IL16: variants seen among roughly 807,000 people sequenced by gnomAD.
IL16 encodes the protein pro-interleukin-16.
A neutral mutation model predicts 110.1 loss-of-function variants in IL16; 67 were observed. The observed-to-expected ratio is 0.61, with a 90% CI of 0.50 to 0.75. IL16 has a LOEUF of 0.75. IL16 is among the 30% of genes least tolerant of loss of function. IL16 has a pLI of 0.00. For synonymous variants in IL16, 689 were observed against 662.9 expected (o/e 1.04, Z -0.61); for missense variants, 1,545 against 1,655.0 (o/e 0.93, Z 1.15).
Position 81,292,995 on chromosome 15 carries a change from C to T in IL16, c.1860C>T (p.Asn620=), listed in dbSNP as rs759878919. 6.2e-7 allele frequency: 1 copy of T among 1,612,428 alleles called. No individual in the cohort carries two copies. The highest frequency in any genetic ancestry group is 8.5e-7 in the Non-Finnish European group (1 of 1,179,966). ...AGAAGAGTCTGGAAGAGAGAGAGAACTCCTCATGCTCTTCTGGGCACACCC... is the reference window on the plus strand; with the variant it reads ...AGAAGAGTCTGGAAGAGAGAGAGAATTCCTCATGCTCTTCTGGGCACACCC... ...DPQKSLEERE[N]SSCSSGHTPP... Residue 620 remains asparagine (N), a synonymous_variant, in exon 12 of 19, where the codon AAC becomes AAT. Coordinates refer to ENST00000683961, the MANE Select transcript of IL16 (RefSeq NM_172217.5).
chr15:81,279,392 T>C (rs1455799991), intron 7 of IL16, among the ~76,000 whole-genome samples, 166 bp from the exon 8 acceptor site: 1 of 152,252 alleles, frequency 6.6e-6, no homozygotes, highest in Non-Finnish European at 1.5e-5. Context: ...TAGTTGTGTG[T>C]ATATATACAA....
At chr15:81,229,996 T>A (rs1595971435) in intron 2 of IL16, among the ~76,000 whole-genome samples, 2 of 152,102 alleles carry the variant, frequency 1.3e-5, no homozygotes, top group African/African-American at 4.8e-5. Flanking sequence ...ATTGGATGGG[T>A]TGTGTTTGGC....
intron 4 of IL16, among the ~76,000 whole-genome samples, chr15:81,267,868 C>G (rs1898460924): frequency 6.6e-6 from 1 of 152,194 alleles, no homozygotes; most frequent in African/African-American, 2.4e-5. Flanking sequence ...TGCATCAGGG[C>G]AGGTGATGTG....
chr15:81,251,382 T>G (rs539903040), intron 2 of IL16, among the ~76,000 whole-genome samples: 1 of 152,286 alleles, frequency 6.6e-6, no homozygotes, highest in Admixed American at 6.5e-5. Flanking sequence ...CCCAGACTGG[T>G]CTTGAACTCC....
At chr15:81,198,360 C>A (rs188789958) in intron 1 of IL16, among the ~76,000 whole-genome samples, 1 of 152,072 alleles carries the variant, frequency 6.6e-6, no homozygotes, top group Non-Finnish European at 1.5e-5. Flanking sequence ...CTCAGCTAGA[C>A]GTTCCCAGGA....
chr15:81,269,803 C>A (rs1399898856), intron 5 of IL16, among the ~76,000 whole-genome samples, 155 bp downstream of exon 5: 2 of 152,206 alleles, frequency 1.3e-5, no homozygotes, highest in Non-Finnish European at 2.9e-5. Flanking sequence ...AAACTCACAC[C>A]TGGCTGAGTC....
intron 1 of IL16, among the ~76,000 whole-genome samples, chr15:81,185,374 T>TC (rs954147484): frequency 3.3e-5 from 5 of 151,438 alleles, no homozygotes; most frequent in African/African-American, 1.2e-4. Context: ...TTTTTTTTTT[T>TC]TTGACAGGAT....
At chr15:81,242,311 A>G (rs1373091808) in intron 2 of IL16, among the ~76,000 whole-genome samples, 1 of 152,216 alleles carries the variant, frequency 6.6e-6, no homozygotes, top group Non-Finnish European at 1.5e-5. Flanking sequence ...GCGTTAAACC[A>G]GCATATCAGT....
rs142077062 is a variant in IL16 at position 81,306,863 on chromosome 15, G to A, written c.3805+318G>A. 1.0e-3 allele frequency: 419 copies of A among 408,978 alleles called. 1 individual carries two copies. Among genetic ancestry groups the A allele is most frequent in the African/African-American group, 7.8e-3 (384 of 49,270 alleles). The allele number at this position is 408,978 out of a possible 1,614,324, so 25.3% of individuals were successfully genotyped here. ...CTGTGGGGCAGAATTTTAAAGGGGT[G>A]CCAAAACACTCAGTAACTCAGATCG... On this transcript the variant is annotated intron_variant, in intron 18 of 18. Transcript: ENST00000683961.
At chr15:81,215,716 C>T (rs1182182758) in intron 1 of IL16, among the ~76,000 whole-genome samples, 1 of 152,158 alleles carries the variant, frequency 6.6e-6, no homozygotes, top group Non-Finnish European at 1.5e-5. Flanking sequence ...ATAGCTTGTT[C>T]CCACCCTGGC....
At chr15:81,214,714 T>A (rs1210490023) in intron 1 of IL16, among the ~76,000 whole-genome samples, 1 of 152,220 alleles carries the variant, frequency 6.6e-6, no homozygotes, top group Non-Finnish European at 1.5e-5. Context: ...CTCAAATGTA[T>A]TTTCCAAGGT....
chr15:81,233,571 A>G (rs189295870), intron 2 of IL16, among the ~76,000 whole-genome samples: 70 of 151,720 alleles, frequency 4.6e-4, no homozygotes, highest in African/African-American at 1.5e-3. Flanking sequence ...ATCACTGGAA[A>G]TTTGTTGAGA....
At chr15:81,232,042 G>GTTTTTTTTTTTTTTCTTTTT (rs1897010560) in intron 2 of IL16, among the ~76,000 whole-genome samples, 1 of 57,694 alleles carries the variant, frequency 1.7e-5, no homozygotes, top group Non-Finnish European at 3.3e-5. Flanking sequence ...ATTTGTTCTT[G>GTTTTTTTTTTTTTTCTTTTT]TTTTTTTTTT....
At chr15:81,223,619 G>A (rs1896691563) in intron 1 of IL16, among the ~76,000 whole-genome samples, 1 of 152,134 alleles carries the variant, frequency 6.6e-6, no homozygotes, top group African/African-American at 2.4e-5. Context: ...ATTGATGGAG[G>A]CTACCACAGA....
chr15:81,269,497 T>G (rs973400779), intron 4 of IL16, 41 bp from the exon 5 acceptor site: 6 of 1,361,542 alleles, frequency 4.4e-6, no homozygotes, highest in Non-Finnish European at 6.3e-6. Flanking sequence ...GCTGCTGTCC[T>G]ATGTGGCTAA....
chr15:81,206,409 T>C (rs1283558977), intron 1 of IL16, among the ~76,000 whole-genome samples: 1 of 152,240 alleles, frequency 6.6e-6, no homozygotes, highest in Non-Finnish European at 1.5e-5. Context: ...ATTTTAATCT[T>C]ATGGGACCAC....
At chr15:81,217,041 T>G (rs1264366497) in intron 1 of IL16, among the ~76,000 whole-genome samples, 1 of 151,232 alleles carries the variant, frequency 6.6e-6, no homozygotes, top group Non-Finnish European at 1.5e-5. Context: ...ATAAAACAAA[T>G]AAAAGCAAGA....
At chr15:81,280,940 C>T (rs1899145453) in intron 8 of IL16, among the ~76,000 whole-genome samples, 2 of 152,118 alleles carry the variant, frequency 1.3e-5, no homozygotes, top group African/African-American at 4.8e-5. Context: ...ATCAGAAACA[C>T]CTTAGGGAGG....
chr15:81,195,632 A>G (rs769090999), upstream of IL16, among the ~76,000 whole-genome samples: 13 of 152,124 alleles, frequency 8.5e-5, no homozygotes, highest in Non-Finnish European at 1.5e-4. Flanking sequence ...GCAGCCTTGC[A>G]TGGAATTTCA....
Sources: allele counts gnomAD v4.1 joint callset (sites outside exome capture counted in the v4.1 genomes callset), GRCh38; gene constraint gnomAD v4.1.1; transcripts MANE v1.5; gene names NCBI Gene and HGNC (gene_info 2026-07-23, HGNC 2026-07-21).